Variants in LRRC7 observed in about 807,000 individuals in gnomAD.
LRRC7 encodes leucine rich repeat containing 7.
A neutral mutation model predicts 175.7 loss-of-function variants in LRRC7; 23 were observed. The observed-to-expected ratio is 0.13, with a 90% CI of 0.09 to 0.19. The LOEUF is 0.19. Among genes scored for constraint, LRRC7 ranks in the 10% least tolerant of loss-of-function variants. The pLI, the probability that LRRC7 is intolerant of heterozygous loss-of-function variation, is 1.00. For synonymous variants in LRRC7, 685 were observed against 680.9 expected, an observed-to-expected ratio of 1.01 and a Z score of -0.09; for missense variants, 1,354 against 1,904.7, an observed-to-expected ratio of 0.71 and a Z score of 5.38.
intron 7 of LRRC7, among the ~76,000 whole-genome samples, chr1:69,902,115 T>C (rs1646151509): frequency 6.6e-6 from 1 of 152,200 alleles, no homozygotes; most frequent in African/African-American, 2.4e-5. Context: ...TTATTACTAA[T>C]TGGGAGCTTT....
chr1:69,618,786 T>G (rs1173655679), intron 1 of LRRC7, among the ~76,000 whole-genome samples: 1 of 152,192 alleles, frequency 6.6e-6, no homozygotes, highest in Non-Finnish European at 1.5e-5. Flanking sequence ...AGCTATAGGA[T>G]CCTGTAAACT....
intron 2 of LRRC7, among the ~76,000 whole-genome samples, chr1:69,753,281 G>T (rs1670034554): frequency 7.5e-6 from 1 of 133,194 alleles, no homozygotes; most frequent in African/African-American, 2.9e-5. Flanking sequence ...ATAAATCATT[G>T]TCGTGTGTGT....
At chr1:69,962,990 T>C (rs1651271414) in intron 8 of LRRC7, among the ~76,000 whole-genome samples, 1 of 151,734 alleles carries the variant, frequency 6.6e-6, no homozygotes, top group Non-Finnish European at 1.5e-5. Context: ...AAAATAAAAG[T>C]TTTTAAAAAA....
chr1:69,730,602 T>C (rs1019703628), intron 2 of LRRC7, among the ~76,000 whole-genome samples: 10 of 152,190 alleles, frequency 6.6e-5, no homozygotes, highest in Non-Finnish European at 1.5e-4. Flanking sequence ...TTCAAGTTTC[T>C]AGGCAACTCC....
intron 3 of LRRC7, among the ~76,000 whole-genome samples, chr1:69,767,438 G>T (rs1321623171): frequency 2.0e-5 from 3 of 151,804 alleles, no homozygotes; most frequent in African/African-American, 7.3e-5. Context: ...CAGTATTTAG[G>T]GTTTTGTTTT....
At chr1:69,590,857 T>C (rs928909997) in intron 1 of LRRC7, among the ~76,000 whole-genome samples, 5 of 152,128 alleles carry the variant, frequency 3.3e-5, no homozygotes, top group African/African-American at 1.2e-4. Flanking sequence ...AAATGTAGCC[T>C]CTCTGAGTTC....
chr1:69,637,097 T>TCTCTCTCTCTCTCTCTCTCTC (rs1653496690), intron 1 of LRRC7, among the ~76,000 whole-genome samples: 1 of 149,236 alleles, frequency 6.7e-6, no homozygotes, highest in Non-Finnish European at 1.5e-5. Context: ...TCTCTCTCTC[T>TCTCTCTCTCTCTCTCTCTCTC]TCCCCTCCCC....
At chr1:69,686,492 G>A (rs529652349) in intron 2 of LRRC7, among the ~76,000 whole-genome samples, 1 of 152,042 alleles carries the variant, frequency 6.6e-6, no homozygotes, top group Non-Finnish European at 1.5e-5. Flanking sequence ...TTGATATAAG[G>A]TTTCTCTACT....
Position 70,038,254 on chromosome 1 carries a change from G to T in LRRC7, c.2430G>T (p.Ser810=), listed in dbSNP as rs12567778. Residue 810 remains serine, a synonymous_variant, in exon 21 of 27, where the codon TCG becomes TCT. Transcript: ENST00000651989. ...TCACTGACAACTGGACTGATGGCTC[G>T]CATTATGACAACACAGGGTTTGTTG... is the stretch of plus-strand genomic sequence containing the variant. ...DTFTDNWTDG[S]HYDNTGFVAE... 3.6e-5 allele frequency: 58 copies of T among 1,614,054 alleles called. 1 individual carries two copies. The African/African-American group carries it at 7.6e-4, about 21-fold the overall frequency.
Position 70,126,555 on chromosome 1 carries a change from CCTTCTGTTAAGAAAAGCAT to C in LRRC7, c.*4672_*4690del. Among the ~76,000 whole-genome samples, 2 of 152,122 alleles carry C rather than the reference CCTTCTGTTAAGAAAAGCAT, an allele frequency of 1.3e-5. 1 individual carries two copies. The highest frequency in any genetic ancestry group is 3.9e-4 in the East Asian group (2 of 5,184). ...ACATTTTTCCTTAGCAATACAACCA[CCTTCTGTTAAGAAAAGCAT>C]CTTGCCTTGGCTCAGAATATTTCCC... On this transcript the variant is annotated 3_prime_UTR_variant, in exon 27 of 27. Coordinates refer to ENST00000651989, the MANE Select transcript of LRRC7 (RefSeq NM_001370785.2).
chr1:69,574,190 T>G (rs1645853094), intron 1 of LRRC7, among the ~76,000 whole-genome samples: 1 of 152,104 alleles, frequency 6.6e-6, no homozygotes, highest in Non-Finnish European at 1.5e-5. Flanking sequence ...AGTGAGAAGC[T>G]ATTGATTTCA....
At chr1:69,689,353 G>T (rs747638332) in intron 2 of LRRC7, among the ~76,000 whole-genome samples, 2 of 152,108 alleles carry the variant, frequency 1.3e-5, no homozygotes, top group African/African-American at 4.8e-5. Context: ...AACTCTAAAA[G>T]CTATCTTAGT....
intron 23 of LRRC7, among the ~76,000 whole-genome samples, chr1:70,072,290 T>A (rs889635305): frequency 3.3e-5 from 5 of 152,234 alleles, no homozygotes; most frequent in African/African-American, 1.2e-4. Flanking sequence ...TGAGTCAGTG[T>A]TCTCATAGCT....
chr1:69,628,735 A>G (rs539035091), intron 1 of LRRC7, among the ~76,000 whole-genome samples: 110 of 152,318 alleles, frequency 7.2e-4, no homozygotes, highest in Non-Finnish European at 1.4e-3. Flanking sequence ...ATGAAGCTAT[A>G]GTAATCAAGA....
At chr1:69,627,767 T>C (rs909366976) in intron 1 of LRRC7, among the ~76,000 whole-genome samples, 1 of 152,116 alleles carries the variant, frequency 6.6e-6, no homozygotes, top group African/African-American at 2.4e-5. Context: ...ATCATGAGTA[T>C]ATTATTCTCT....
chr1:69,948,922 T>C (rs965623112), intron 8 of LRRC7, among the ~76,000 whole-genome samples: 12 of 152,148 alleles, frequency 7.9e-5, no homozygotes, highest in Non-Finnish European at 1.2e-4. Context: ...TTACTCATAT[T>C]AGAAGTCAGT....
At chr1:69,884,878 T>A (rs1329707937) in intron 7 of LRRC7, among the ~76,000 whole-genome samples, 3 of 144,090 alleles carry the variant, frequency 2.1e-5, no homozygotes, top group Non-Finnish European at 4.5e-5. Context: ...GATAATCATG[T>A]GGTTTTTGTC....
At chr1:69,722,723 A>G (rs1364229971) in intron 2 of LRRC7, among the ~76,000 whole-genome samples, 3 of 151,990 alleles carry the variant, frequency 2.0e-5, no homozygotes, top group Non-Finnish European at 4.4e-5. Context: ...CAGATTCAGC[A>G]TTGTTTCATA....
At chr1:69,979,075 A>G (rs1190925215) in intron 8 of LRRC7, among the ~76,000 whole-genome samples, 2 of 152,122 alleles carry the variant, frequency 1.3e-5, no homozygotes, top group Admixed American at 6.5e-5. Flanking sequence ...AGTTCCCAGG[A>G]CTGCAGAGAA....
Sources: gnomAD v4.1 joint callset for allele counts (sites outside exome capture counted in the v4.1 genomes callset) on GRCh38, gnomAD v4.1.1 for gene constraint, MANE v1.5 for transcripts, NCBI Gene and HGNC (gene_info 2026-07-23, HGNC 2026-07-21) for gene names.